The following GDPD5 variants were observed in gnomAD, a reference collection of about 807,000 sequenced individuals.
GDPD5 encodes the protein glycerophosphodiester phosphodiesterase 2.
GDPD5 carries 48 observed loss-of-function variants against 75.1 expected under a neutral mutation model. The observed-to-expected ratio is 0.64, with a 90% CI of 0.51 to 0.81. The LOEUF is 0.81. GDPD5 is among the 40% of genes least tolerant of loss of function. The probability of loss-of-function intolerance (pLI) is 0.00; values close to 1 mark genes in which losing one functional copy is unlikely to be tolerated. For missense variants in GDPD5, 706 were observed against 822.6 expected, an observed-to-expected ratio of 0.86 and a Z score of 1.73; for synonymous variants, 336 against 339.0, an observed-to-expected ratio of 0.99 and a Z score of 0.10.
chr11:75,517,775 C>T lies in GDPD5; in HGVS notation c.-145+7435G>A, dbSNP rs182638616. 8.6e-5 allele frequency among the ~76,000 whole-genome samples: 13 copies of T among 151,926 alleles called. No homozygotes were observed. In the East Asian group the frequency reaches 2.5e-3, roughly 29 times the overall value. The stretch of plus-strand genomic sequence containing the variant: ...TATCGGTGAGGATTTGCACAGAGGC[C>T]TCCAATGTTCCCTGGACACCCTCCC... On this transcript the variant is annotated intron_variant, in intron 1 of 16. Coordinates refer to ENST00000336898, the MANE Select transcript of GDPD5 (RefSeq NM_030792.8).
At chr11:75,439,502 TGGCCCTAGACC>T (rs1948727188) in intron 15 of GDPD5, 5 of 400,476 alleles carry the variant, frequency 1.2e-5, no homozygotes, top group Non-Finnish European at 2.5e-5. Flanking sequence ...GGCCCCAGGC[TGGCCCTAGACC>T]CTCCCTGGGA....
chr11:75,507,808 T>A (rs1241200762), intron 1 of GDPD5, among the ~76,000 whole-genome samples: 1 of 152,220 alleles, frequency 6.6e-6, no homozygotes, highest in South Asian at 2.1e-4. Context: ...AGCTGTCCCA[T>A]TAAGGAAAGC....
In GDPD5 at chr11:75,525,764, GCT is replaced by G. The variant is rs1413723585; in HGVS notation, c.-701_-700del. 13 of 151,362 alleles carry G rather than the reference GCT, an allele frequency of 8.6e-5. No homozygotes were observed. 9.4% of individuals were successfully genotyped at this position (151,362 alleles called of 1,614,324 possible). ...GGAAGTCTTTCCAGGTCCCGACTCGGCTCTCTCTGCAAAACGGGGCGAACCTC... is the reference window on the plus strand; with the variant it reads ...GGAAGTCTTTCCAGGTCCCGACTCGGCTCTCTGCAAAACGGGGCGAACCTC... On this transcript the variant is annotated 5_prime_UTR_variant, in exon 1 of 17. Transcript: ENST00000336898.
At position 75,444,417 on chromosome 11, in the gene GDPD5, T is replaced by A. The variant is rs767270403; in HGVS notation, c.793A>T (p.Ile265Phe). 6.2e-7 allele frequency: 1 copy of A among 1,611,010 alleles called. No homozygotes were observed. The highest frequency in any genetic ancestry group is 8.5e-7 in the Non-Finnish European group (1 of 1,177,460). ...TCTCCCCTCCGCTACACCTACCTGA[T>A]GGTAATGTCAGCCTGGAGCCCGTAC... The part of the protein sequence containing the change: ...KLYGLQADIT[I>F]SLDGVPFLMH... The change falls in exon 10 of 17, where the codon ATC becomes TTC. Residue 265 changes from isoleucine to phenylalanine, a missense_variant. Transcript: ENST00000336898.
intron 9 of GDPD5, among the ~76,000 whole-genome samples, chr11:75,448,076 G>A (rs1949034403): frequency 6.6e-6 from 1 of 152,160 alleles, no homozygotes; most frequent in Non-Finnish European, 1.5e-5. Context: ...GCAGTTATGT[G>A]AGACCCCCTT....
At chr11:75,509,784 A>C (rs1029206668) in intron 1 of GDPD5, among the ~76,000 whole-genome samples, 11 of 152,198 alleles carry the variant, frequency 7.2e-5, no homozygotes, top group Admixed American at 5.9e-4. Context: ...GGTTCCAGCG[A>C]TTCTCCTGCC....
intron 3 of GDPD5, among the ~76,000 whole-genome samples, chr11:75,468,677 A>ATG (rs1555006417): frequency 6.8e-6 from 1 of 147,018 alleles, no homozygotes; most frequent in African/African-American, 2.5e-5. Context: ...CCCTCCCCCG[A>ATG]CGCCCCCCCC....
intron 1 of GDPD5, among the ~76,000 whole-genome samples, chr11:75,494,212 T>A (rs1396888247): frequency 1.3e-5 from 1 of 74,980 alleles, no homozygotes; most frequent in African/African-American, 4.0e-5. Context: ...GTTTACTTTT[T>A]TTTTTTTTTT....
chr11:75,510,272 G>A (rs1440759353), intron 1 of GDPD5, among the ~76,000 whole-genome samples: 1 of 152,220 alleles, frequency 6.6e-6, no homozygotes, highest in East Asian at 1.9e-4. Flanking sequence ...GAACTCCTGA[G>A]AGCTCTTCAG....
intron 1 of GDPD5, among the ~76,000 whole-genome samples, chr11:75,518,239 A>G (rs940899300): frequency 1.3e-5 from 2 of 152,226 alleles, no homozygotes; most frequent in Non-Finnish European, 2.9e-5. Context: ...GGCTCCGAGA[A>G]GACACGCAGG....
At chr11:75,523,043 G>A (rs760822172) in intron 1 of GDPD5, among the ~76,000 whole-genome samples, 69 of 152,112 alleles carry the variant, frequency 4.5e-4, no homozygotes, top group African/African-American at 1.6e-3. Flanking sequence ...CGTTCTAATC[G>A]AAGACAAGTC....
chr11:75,463,956 G>A (rs1038158140), intron 3 of GDPD5, among the ~76,000 whole-genome samples: 3 of 152,150 alleles, frequency 2.0e-5, no homozygotes, highest in South Asian at 4.1e-4. Flanking sequence ...TGCTACCCTC[G>A]TGCCTGCCGC....
chr11:75,507,822 T>G (rs1159174775), intron 1 of GDPD5, among the ~76,000 whole-genome samples: 5 of 151,946 alleles, frequency 3.3e-5, no homozygotes, highest in Non-Finnish European at 7.4e-5. Context: ...GGAAAGCAAA[T>G]CAGGCTCTAC....
intron 4 of GDPD5, among the ~76,000 whole-genome samples, chr11:75,460,638 G>C (rs888924206): frequency 6.6e-6 from 1 of 152,086 alleles, no homozygotes; most frequent in African/African-American, 2.4e-5. Context: ...TAGAGATGGG[G>C]TTTTTTCATG....
Position 75,462,814 on chromosome 11 carries a change from C to CTATGAATTCATCATAGTCA in GDPD5, c.192_193insTGACTATGATGAATTCATA (p.Val65Ter). On this transcript the variant is annotated stop_gained and frameshift_variant, in exon 4 of 17. Coordinates refer to ENST00000336898, the MANE Select transcript of GDPD5 (RefSeq NM_030792.8). LOFTEE classifies it high-confidence loss of function. The stretch of plus-strand genomic sequence containing the variant: ...TTGAATTCATCATAGTCATTGTGGA[C>CTATGAATTCATCATAGTCA]TTCCCACCAGAAGTAAAGCCAGGTG... 1 of 1,614,052 alleles carries CTATGAATTCATCATAGTCA rather than the reference C, an allele frequency of 6.2e-7. No homozygotes were observed. Among genetic ancestry groups the CTATGAATTCATCATAGTCA allele is most frequent in the Non-Finnish European group, 8.5e-7 (1 of 1,179,926 alleles).
intron 2 of GDPD5, among the ~76,000 whole-genome samples, chr11:75,487,328 A>G (rs1950037384): frequency 6.6e-6 from 1 of 152,212 alleles, no homozygotes; most frequent in Admixed American, 6.5e-5. Context: ...TCTGCAGAGA[A>G]GGTAACCAGA....
At chr11:75,465,714 T>C (rs1197761327) in intron 3 of GDPD5, among the ~76,000 whole-genome samples, 1 of 152,236 alleles carries the variant, frequency 6.6e-6, no homozygotes, top group Non-Finnish European at 1.5e-5. Flanking sequence ...TAGATGGCTG[T>C]CTGTCCACAG....
intron 6 of GDPD5, among the ~76,000 whole-genome samples, chr11:75,455,710 G>A (rs984938107): frequency 6.6e-6 from 1 of 152,234 alleles, no homozygotes; most frequent in Non-Finnish European, 1.5e-5. Flanking sequence ...AAAGGGAGAC[G>A]ATCCAGATGT....
rs200664983 is a variant in GDPD5 at position 75,457,727 on chromosome 11, G to C, written c.281C>G (p.Thr94Arg). ...SDWPVPILVT[T>R]AAAFAYIAGL... ...AGCGATGTATGCGAAGGCAGCAGCT[G>C]TGGTCACAAGGATGGGTACGGGCCA... The change falls in exon 5 of 17, where the codon ACA becomes AGA. Residue 94 changes from threonine (T) to arginine (R), a missense_variant. Coordinates refer to ENST00000336898, the MANE Select transcript of GDPD5 (RefSeq NM_030792.8). 1.2e-5 allele frequency: 19 copies of C among 1,614,080 alleles called. No homozygotes were observed. Among genetic ancestry groups the C allele is most frequent in the Non-Finnish European group, 1.7e-6 (2 of 1,180,032 alleles).
Sources: gnomAD v4.1 joint callset for allele counts (sites outside exome capture counted in the v4.1 genomes callset) on GRCh38, gnomAD v4.1.1 for gene constraint, MANE v1.5 for transcripts, NCBI Gene and HGNC (gene_info 2026-07-23, HGNC 2026-07-21) for gene names.